ATP10A: variants seen among roughly 807,000 people sequenced by gnomAD.
ATP10A encodes the protein phospholipid-transporting ATPase VA.
A neutral mutation model predicts 147.8 loss-of-function variants in ATP10A; 111 were observed. That is an observed-to-expected ratio of 0.75 (90% CI 0.64 to 0.88). The LOEUF is 0.88. ATP10A is among the 40% of genes least tolerant of loss of function. ATP10A has a pLI of 0.00. For missense variants in ATP10A, 1,927 were observed against 1,959.0 expected, an observed-to-expected ratio of 0.98 and a Z score of 0.31; for synonymous variants, 875 against 841.6, an observed-to-expected ratio of 1.04 and a Z score of -0.69.
At chr15:25,746,502 C>T (rs921468197) in intron 2 of ATP10A, among the ~76,000 whole-genome samples, 4 of 152,176 alleles carry the variant, frequency 2.6e-5, no homozygotes, top group Non-Finnish European at 2.9e-5. Context: ...CTAATGGACA[C>T]GTATAAAACA....
At chr15:25,847,127 T>A (rs1567429264) in intron 1 of ATP10A, among the ~76,000 whole-genome samples, 1 of 152,250 alleles carries the variant, frequency 6.6e-6, no homozygotes, top group South Asian at 2.1e-4. Context: ...TATCTGGTGT[T>A]AGACACTTTC....
chr15:25,770,262 T>C (rs1224277043), intron 2 of ATP10A, among the ~76,000 whole-genome samples: 1 of 151,970 alleles, frequency 6.6e-6, no homozygotes, highest in Non-Finnish European at 1.5e-5. Flanking sequence ...TGACCACAGT[T>C]GGGGATCGGC....
intron 3 of ATP10A, among the ~76,000 whole-genome samples, chr15:25,730,693 A>T (rs1053519296): frequency 6.6e-6 from 1 of 152,198 alleles, no homozygotes; most frequent in East Asian, 1.9e-4. Context: ...GGAAGGAATG[A>T]CAGATAATTC....
At chr15:25,739,371 C>T (rs181159019) in intron 2 of ATP10A, among the ~76,000 whole-genome samples, 1 of 152,296 alleles carries the variant, frequency 6.6e-6, no homozygotes, top group East Asian at 1.9e-4. Context: ...TGTGGGCTTA[C>T]CAGAGCCCAC....
intron 1 of ATP10A, among the ~76,000 whole-genome samples, chr15:25,845,836 C>G (rs1424163045): frequency 6.6e-6 from 1 of 152,238 alleles, no homozygotes; most frequent in Non-Finnish European, 1.5e-5. Context: ...AGGCAAGACA[C>G]TCAAACAGAC....
At chr15:25,726,252 A>G (rs556966001) in intron 4 of ATP10A, among the ~76,000 whole-genome samples, 170 bp from the exon 5 acceptor site, 2 of 152,338 alleles carry the variant, frequency 1.3e-5, no homozygotes, top group African/African-American at 4.8e-5. Flanking sequence ...AACAGGTCTG[A>G]AAATAAATAA....
rs770982629 is a variant in ATP10A, at chr15:25,736,089, G to T, written c.707C>A (p.Pro236Gln). Reference protein sequence around the residue: ...TFTSVIECEKPNNDLSRFRGC... With the variant: ...TFTSVIECEKQNNDLSRFRGC... ...GCGAAACCTACTCAGGTCGTTGTTT[G>T]GCTTCTCGCATTCGATCACGCTGGT... Residue 236 changes from proline (P) to glutamine (Q), a missense_variant, in exon 3 of 21, where the codon CCA becomes CAA. Pro to Gln is a moderately conservative substitution (Grantham distance 76). Coordinates refer to ENST00000555815, the MANE Select transcript of ATP10A (RefSeq NM_024490.4). 2 of 1,613,682 alleles carry T rather than the reference G, an allele frequency of 1.2e-6. No homozygotes were observed. Among genetic ancestry groups the T allele is most frequent in the Non-Finnish European group, 1.7e-6 (2 of 1,180,024 alleles).
chr15:25,755,362 A>G (rs1490803866), intron 2 of ATP10A, among the ~76,000 whole-genome samples: 1 of 152,120 alleles, frequency 6.6e-6, no homozygotes, highest in East Asian at 1.9e-4. Flanking sequence ...GCACACTGCT[A>G]TTTTTTGAGA....
chr15:25,678,593 T>C (rs969160713), downstream of ATP10A: 5 of 152,210 alleles, frequency 3.3e-5, no homozygotes, highest in African/African-American at 4.8e-5. Context: ...GTATGTGCCA[T>C]GCAGCTGTTT....
At chr15:25,698,038 A>T (rs1900444163) in intron 13 of ATP10A, among the ~76,000 whole-genome samples, 1 of 151,840 alleles carries the variant, frequency 6.6e-6, no homozygotes, top group Non-Finnish European at 1.5e-5. Flanking sequence ...CACAGCCAAG[A>T]AGAGTGTAAG....
chr15:25,689,985 A>G (rs1321878282), intron 15 of ATP10A, among the ~76,000 whole-genome samples: 1 of 152,270 alleles, frequency 6.6e-6, no homozygotes, highest in East Asian at 1.9e-4. Context: ...GTGAAAACAG[A>G]AGCAATGCCA....
intron 1 of ATP10A, among the ~76,000 whole-genome samples, chr15:25,818,678 G>A (rs892890812): frequency 6.6e-6 from 1 of 151,988 alleles, no homozygotes; most frequent in East Asian, 1.9e-4. Context: ...ACAAAGCCGG[G>A]GCATCACATT....
At chr15:25,836,842 G>A (rs1042732626) in intron 1 of ATP10A, among the ~76,000 whole-genome samples, 20 of 152,166 alleles carry the variant, frequency 1.3e-4, no homozygotes, top group East Asian at 7.7e-4. Context: ...CAGCAAGACC[G>A]TCTATGCATG....
chr15:25,743,752 G>C (rs1887688547), intron 2 of ATP10A, among the ~76,000 whole-genome samples: 1 of 152,222 alleles, frequency 6.6e-6, no homozygotes, highest in South Asian at 2.1e-4. Context: ...TGGCAGGGCT[G>C]TGTTCCTTTT....
intron 1 of ATP10A, among the ~76,000 whole-genome samples, chr15:25,794,013 G>A (rs1017022349): frequency 1.3e-5 from 2 of 152,212 alleles, no homozygotes; most frequent in African/African-American, 4.8e-5. Flanking sequence ...GGGAGGGAGA[G>A]AAGGGTTTTG....
At chr15:25,718,497 CAG>C in intron 7 of ATP10A, 98 bp from the exon 8 acceptor site, 3 of 1,255,220 alleles carry the variant, frequency 2.4e-6, no homozygotes, top group Non-Finnish European at 3.3e-6. Flanking sequence ...AGGCTTCCGG[CAG>C]GGCAGCCCCA....
At chr15:25,811,687 C>A (rs1473003858) in intron 1 of ATP10A, among the ~76,000 whole-genome samples, 45 of 152,154 alleles carry the variant, frequency 3.0e-4, no homozygotes, top group Non-Finnish European at 1.2e-4. Flanking sequence ...GGGGAGAAAA[C>A]GCTGGGAGCC....
Position 25,793,915 on chromosome 15 carries a change from C to T in ATP10A, c.450-12692G>A, listed in dbSNP as rs147339212. Among the ~76,000 whole-genome samples the T allele has an allele frequency of 7.1e-3, 1,087 of 152,288 alleles. 10 individuals carry two copies. Among genetic ancestry groups the T allele is most frequent in the South Asian group, 0.02 (94 of 4,818 alleles). On this transcript the variant is annotated intron_variant, in intron 1 of 20. Coordinates refer to ENST00000555815, the MANE Select transcript of ATP10A (RefSeq NM_024490.4). ...GACTCACCCCAGGGTTCTCCGATGCCCCACCAGTGCTGTCTAGGGACCCAG... is the reference window on the plus strand; with the variant it reads ...GACTCACCCCAGGGTTCTCCGATGCTCCACCAGTGCTGTCTAGGGACCCAG...
chr15:25,729,608 G>A (rs958049728), intron 3 of ATP10A, among the ~76,000 whole-genome samples: 6 of 152,048 alleles, frequency 3.9e-5, no homozygotes, highest in African/African-American at 9.7e-5. Flanking sequence ...GGAACCAGCC[G>A]ACCCTGCAGC....
Sources: gnomAD v4.1 joint callset for allele counts (sites outside exome capture counted in the v4.1 genomes callset) on GRCh38, gnomAD v4.1.1 for gene constraint, MANE v1.5 for transcripts, NCBI Gene and HGNC (gene_info 2026-07-23, HGNC 2026-07-21) for gene names.